SLC25A21: variants seen among roughly 807,000 people sequenced by gnomAD.
SLC25A21 encodes mitochondrial 2-oxodicarboxylate carrier.
Under a neutral mutation model 43.8 loss-of-function variants are expected in SLC25A21, and 47 were observed. The observed-to-expected ratio is 1.07, with a 90% CI of 0.85 to 1.37. The LOEUF is 1.37. Ranked by LOEUF, SLC25A21 falls within the 40% of genes most tolerant of loss-of-function variation. SLC25A21 has a pLI of 0.00. For synonymous variants in SLC25A21, 131 were observed against 121.3 expected (o/e 1.08, Z -0.52); for missense variants, 352 against 350.2 (o/e 1.00, Z -0.04).
intron 1 of SLC25A21, among the ~76,000 whole-genome samples, chr14:37,024,424 A>G (rs766446541): frequency 9.9e-5 from 15 of 151,864 alleles, no homozygotes; most frequent in Non-Finnish European, 1.9e-4. Flanking sequence ...TGAAGAGCAC[A>G]CCCCACTAAT....
intron 2 of SLC25A21, among the ~76,000 whole-genome samples, chr14:36,819,601 A>G (rs1019012142): frequency 5.3e-5 from 8 of 152,206 alleles, no homozygotes; most frequent in Admixed American, 5.2e-4. Flanking sequence ...GTCTCAAGAC[A>G]AGGGTGTTTG....
At chr14:37,122,463 C>G (rs1963225834) in intron 1 of SLC25A21, among the ~76,000 whole-genome samples, 1 of 152,118 alleles carries the variant, frequency 6.6e-6, no homozygotes. Flanking sequence ...ACAAAAATGG[C>G]CAGGACTCAA....
chr14:36,874,362 T>C (rs913410736), intron 2 of SLC25A21, among the ~76,000 whole-genome samples: 3 of 152,242 alleles, frequency 2.0e-5, no homozygotes, highest in African/African-American at 7.2e-5. Flanking sequence ...GTTTAACTTT[T>C]TAAAAATGCT....
intron 1 of SLC25A21, among the ~76,000 whole-genome samples, chr14:36,917,325 A>G (rs1416866971): frequency 6.6e-6 from 1 of 152,132 alleles, no homozygotes; most frequent in African/African-American, 2.4e-5. Flanking sequence ...TGTAGGCTCT[A>G]TCTGACCCTG....
chr14:37,111,704 G>A (rs1594798667), intron 1 of SLC25A21, among the ~76,000 whole-genome samples: 1 of 152,050 alleles, frequency 6.6e-6, no homozygotes, highest in South Asian at 2.1e-4. Context: ...ATTTACTCTG[G>A]TTCATCATAA....
intron 1 of SLC25A21, among the ~76,000 whole-genome samples, chr14:37,070,535 C>G (rs1029292247): frequency 1.3e-5 from 2 of 152,114 alleles, no homozygotes; most frequent in African/African-American, 4.8e-5. Flanking sequence ...AATAGCCCCC[C>G]CTTTTGATGC....
intron 2 of SLC25A21, among the ~76,000 whole-genome samples, chr14:36,866,249 T>C (rs1231369387): frequency 6.6e-6 from 1 of 152,190 alleles, no homozygotes; most frequent in African/African-American, 2.4e-5. Context: ...TAGCTGGAAC[T>C]ACAGGTCCAC....
intron 9 of SLC25A21, among the ~76,000 whole-genome samples, chr14:36,681,407 A>G (rs1408763011): frequency 6.6e-6 from 1 of 152,224 alleles, no homozygotes; most frequent in East Asian, 1.9e-4. Context: ...GTGAAGAGAC[A>G]TGCTCTGTAT....
chr14:37,041,936 A>C (rs557334328), intron 1 of SLC25A21, among the ~76,000 whole-genome samples: 1 of 152,310 alleles, frequency 6.6e-6, no homozygotes, highest in South Asian at 2.1e-4. Context: ...ACTTGAGGTA[A>C]ATGGCTGTAA....
Position 36,691,713 on chromosome 14 carries a change from T to C in SLC25A21, c.604-6788A>G, listed in dbSNP as rs554429111. Among the ~76,000 whole-genome samples, 95 of 152,238 alleles carry C rather than the reference T, an allele frequency of 6.2e-4. 1 individual carries two copies. The highest frequency in any genetic ancestry group is 8.1e-4 in the Non-Finnish European group (55 of 68,010). On this transcript the variant is annotated intron_variant, in intron 7 of 9. Transcript: ENST00000331299. ...GAAAAATTAAAAATAAAAATAAAAATAAAATCTGTTACTGCAATAGCCTTT... is the reference window on the plus strand; with the variant it reads ...GAAAAATTAAAAATAAAAATAAAAACAAAATCTGTTACTGCAATAGCCTTT...
At chr14:36,934,378 A>C (rs944133400) in intron 1 of SLC25A21, among the ~76,000 whole-genome samples, 1 of 151,922 alleles carries the variant, frequency 6.6e-6, no homozygotes. Flanking sequence ...AGTAAGTAAC[A>C]CAACTTTCTA....
intron 1 of SLC25A21, among the ~76,000 whole-genome samples, chr14:37,060,474 AAGG>A (rs1349194053): frequency 6.6e-6 from 1 of 150,920 alleles, no homozygotes; most frequent in East Asian, 1.9e-4. Context: ...AAAGAATTAA[AAGG>A]AGAAGTTGAA....
chr14:36,693,726 T>A (rs1364012248), intron 7 of SLC25A21, among the ~76,000 whole-genome samples: 1 of 152,144 alleles, frequency 6.6e-6, no homozygotes, highest in Non-Finnish European at 1.5e-5. Context: ...CACAACCTCC[T>A]GGGCTCAAGC....
intron 2 of SLC25A21, among the ~76,000 whole-genome samples, chr14:36,857,269 C>T (rs1372265248): frequency 1.3e-5 from 2 of 152,182 alleles, no homozygotes; most frequent in East Asian, 3.9e-4. Flanking sequence ...TGGAAACTCA[C>T]TTCCTAAACA....
chr14:36,790,364 C>T (rs79511709), intron 3 of SLC25A21, among the ~76,000 whole-genome samples: 4,498 of 152,040 alleles, frequency 0.03, 232 homozygotes, highest in African/African-American at 0.1. Flanking sequence ...ATACATCATC[C>T]TTATCACTCA....
chr14:36,754,221 C>CCAAT (rs1885836667), intron 3 of SLC25A21, among the ~76,000 whole-genome samples: 1 of 152,054 alleles, frequency 6.6e-6, no homozygotes, highest in South Asian at 2.1e-4. Flanking sequence ...TGGGTCTCAT[C>CCAAT]CAATCAGTTG....
In SLC25A21 at chr14:36,995,642, A is replaced by C. The variant is rs149334998; in HGVS notation, c.71-120638T>G. Among the ~76,000 whole-genome samples the C allele has an allele frequency of 2.4e-3, 359 of 152,296 alleles. 1 individual carries two copies. Among genetic ancestry groups the C allele is most frequent in the African/African-American group, 8.3e-3 (344 of 41,568 alleles). ...TGTCATTGCCCAAGTTAAAAATGTAAGTCACACACTTTAAAGCTTGTAAAA... is the reference window on the plus strand; with the variant it reads ...TGTCATTGCCCAAGTTAAAAATGTACGTCACACACTTTAAAGCTTGTAAAA... On this transcript the variant is annotated intron_variant, in intron 1 of 9. Coordinates refer to ENST00000331299, the MANE Select transcript of SLC25A21 (RefSeq NM_030631.4).
chr14:36,862,589 A>T (rs184598066), intron 2 of SLC25A21, among the ~76,000 whole-genome samples: 86 of 152,016 alleles, frequency 5.7e-4, no homozygotes, highest in African/African-American at 1.6e-3. Context: ...GAGGGGAACA[A>T]CACACACTGG....
intron 3 of SLC25A21, among the ~76,000 whole-genome samples, chr14:36,739,334 A>C (rs1885160358): frequency 6.6e-6 from 1 of 152,346 alleles, no homozygotes; most frequent in African/African-American, 2.4e-5. Context: ...GGAAAAAATG[A>C]GCCCTAGGAT....
Sources: allele counts gnomAD v4.1 joint callset (sites outside exome capture counted in the v4.1 genomes callset), GRCh38; gene constraint gnomAD v4.1.1; transcripts MANE v1.5; gene names NCBI Gene and HGNC (gene_info 2026-07-23, HGNC 2026-07-21).